Variants in ATR observed in about 807,000 individuals in gnomAD.
The protein encoded by ATR is serine/threonine-protein kinase ATR.
A neutral mutation model predicts 305.3 loss-of-function variants in ATR; 142 were observed. The ratio of observed to expected loss-of-function variants is 0.47; its 90% CI spans 0.41 to 0.53. The LOEUF (loss-of-function observed/expected upper bound fraction) is 0.53, where lower values mean the gene tolerates loss of function less well. Ranked by LOEUF, ATR falls within the 20% of genes least tolerant of loss-of-function variation. The probability of loss-of-function intolerance (pLI) is 0.00; values close to 1 mark genes in which losing one functional copy is unlikely to be tolerated. For synonymous variants in ATR, 1,050 were observed against 1,068.1 expected, an observed-to-expected ratio of 0.98 and a Z score of 0.33; for missense variants, 2,135 against 3,133.1, an observed-to-expected ratio of 0.68 and a Z score of 7.60.
At chr3:142,455,843 T>C (rs917746714) in intron 45 of ATR, among the ~76,000 whole-genome samples, 5 of 152,168 alleles carry the variant, frequency 3.3e-5, no homozygotes, top group Non-Finnish European at 7.4e-5. Context: ...GTTTCTTAGA[T>C]ATGACAACAG....
At position 142,485,202 on chromosome 3, in the gene ATR, G is replaced by A. The variant is rs748663695; in HGVS notation, c.6159C>T (p.Val2053=). 1 of 1,614,026 alleles carries A rather than the reference G, an allele frequency of 6.2e-7. No individual in the cohort carries two copies. The highest frequency in any genetic ancestry group is 8.5e-7 in the Non-Finnish European group (1 of 1,179,986). The part of the protein sequence containing the change: ...AKYYDKLMPM[V]TDNKMEKQGD... ...CTTGCTTTTCCATTTTGTTGTCTGT[G>A]ACCATGGGCATCAATTTGTCATAGT... Residue 2053 remains valine (V), a synonymous_variant, in exon 36 of 47, where the codon GTC becomes GTT. Transcript: ENST00000350721.
At chr3:142,545,898 G>A (rs1320233849) in intron 16 of ATR, among the ~76,000 whole-genome samples, 1 of 152,054 alleles carries the variant, frequency 6.6e-6, no homozygotes, top group Non-Finnish European at 1.5e-5. Flanking sequence ...GATTAGAAAG[G>A]GAAAATAAAG....
chr3:142,502,995 T>G (rs2032053802), intron 30 of ATR, among the ~76,000 whole-genome samples: 1 of 152,226 alleles, frequency 6.6e-6, no homozygotes, highest in Non-Finnish European at 1.5e-5. Context: ...CAGTCTACAG[T>G]GGTATTCCGT....
chr3:142,528,517 C>T (rs186693166), intron 21 of ATR, among the ~76,000 whole-genome samples: 39 of 152,166 alleles, frequency 2.6e-4, no homozygotes, highest in African/African-American at 8.9e-4. Flanking sequence ...AGAATTCCTG[C>T]TTTCTTATAC....
chr3:142,508,716 G>A (rs2032384629), intron 27 of ATR, among the ~76,000 whole-genome samples: 1 of 152,082 alleles, frequency 6.6e-6, no homozygotes, highest in African/African-American at 2.4e-5. Flanking sequence ...AAGGTTAGGA[G>A]ATCGAGACCA....
In ATR at chr3:142,459,099, T is replaced by TCTA. The variant is rs756975919; in HGVS notation, c.7359_7361dup (p.Ser2453dup). ...CTGCAGTGGAACGGCAGTAAGCTGA[T>TCTA]CTACTACTGTACCTAAAAGAAACAC... On this transcript the variant is annotated inframe_insertion, in exon 44 of 47. Transcript: ENST00000350721. 2.5e-5 allele frequency: 41 copies of TCTA among 1,613,882 alleles called. No individual in the cohort carries two copies. Among genetic ancestry groups the TCTA allele is most frequent in the Non-Finnish European group, 3.3e-5 (39 of 1,179,898 alleles).
intron 1 of ATR, 129 bp from the exon 2 acceptor site, chr3:142,568,283 T>G: frequency 1.4e-6 from 1 of 717,910 alleles, no homozygotes. Flanking sequence ...TTCTTCTGTT[T>G]AAAAATTGAA....
At position 142,503,389 on chromosome 3, in the gene ATR, G is replaced by A. The variant is rs772903137; in HGVS notation, c.5261C>T (p.Thr1754Ile). Residue 1754 changes from threonine (T) to isoleucine (I), a missense_variant, in exon 30 of 47, where the codon ACT becomes ATT. Around this residue, in one of 9 missense-constraint regions of ATR, gnomAD observed 117 missense variants for 198.3 expected, o/e 0.59. Coordinates refer to ENST00000350721, the MANE Select transcript of ATR (RefSeq NM_001184.4). ...LGLGQLSTVI[T>I]QVNGVHANRS... Reference sequence around the variant, plus strand: ...GTTAGCATGCACTCCATTCACCTGAGTGATAACAGTAGACAGCTGACCAAG... The same window carrying A: ...GTTAGCATGCACTCCATTCACCTGAATGATAACAGTAGACAGCTGACCAAG... The A allele has an allele frequency of 6.2e-7, 1 of 1,607,912 alleles. No homozygotes were observed. The highest frequency in any genetic ancestry group is 8.5e-7 in the Non-Finnish European group (1 of 1,174,728).
Position 142,503,391 on chromosome 3 carries a change from G to A in ATR, c.5259C>T (p.Ile1753=). The change falls in exon 30 of 47, where the codon ATC becomes ATT. Residue 1753 remains isoleucine (I), a synonymous_variant. Coordinates refer to ENST00000350721, the MANE Select transcript of ATR (RefSeq NM_001184.4). ...MLGLGQLSTV[I]TQVNGVHANR... is the part of the protein sequence containing the mutation. ...TAGCATGCACTCCATTCACCTGAGTGATAACAGTAGACAGCTGACCAAGAC... is the reference window on the plus strand; with the variant it reads ...TAGCATGCACTCCATTCACCTGAGTAATAACAGTAGACAGCTGACCAAGAC... 6.2e-7 allele frequency: 1 copy of A among 1,608,318 alleles called. No individual in the cohort carries two copies. Among genetic ancestry groups the A allele is most frequent in the Non-Finnish European group, 8.5e-7 (1 of 1,174,928 alleles).
chr3:142,510,114 A>AG (rs933293628), intron 27 of ATR, among the ~76,000 whole-genome samples: 6 of 88,646 alleles, frequency 6.8e-5, no homozygotes, highest in African/African-American at 1.2e-4. Flanking sequence ...AGACTGTCTC[A>AG]GAAAAAAAAA....
At chr3:142,522,145 A>G (rs2033171558) in intron 23 of ATR, among the ~76,000 whole-genome samples, 2 of 152,224 alleles carry the variant, frequency 1.3e-5, no homozygotes, top group Non-Finnish European at 2.9e-5. Context: ...CAGCAAAACC[A>G]TTATGACTTG....
At chr3:142,449,843 A>G in intron 46 of ATR, 1 of 532,904 alleles carries the variant, frequency 1.9e-6, no homozygotes, top group South Asian at 2.2e-5. Context: ...TACGTGAAAT[A>G]CCAGGGAATT....
At chr3:142,541,110 G>T in intron 17 of ATR, 76 bp from the exon 18 acceptor site, 1 of 1,535,750 alleles carries the variant, frequency 6.5e-7, no homozygotes, top group South Asian at 1.1e-5. Flanking sequence ...AAGGACAAGT[G>T]CTTCCCACCC....
chr3:142,544,238 A>G (rs1270105578), intron 16 of ATR, among the ~76,000 whole-genome samples: 1 of 151,840 alleles, frequency 6.6e-6, no homozygotes, highest in Admixed American at 6.6e-5. Flanking sequence ...CAGGTGGATT[A>G]CATGAGCTCA....
Position 142,461,937 on chromosome 3 carries a change from T to G in ATR, c.7192+3A>C. Reference sequence around the variant, plus strand: ...GTATATGTATAAGAATTAATTTTAGTACCCTTTTCTTTATATAGTTTGGTC... The same window carrying G: ...GTATATGTATAAGAATTAATTTTAGGACCCTTTTCTTTATATAGTTTGGTC... On this transcript the variant is annotated splice_donor_region_variant and intron_variant, in intron 42 of 46. Transcript: ENST00000350721. 1 of 1,612,944 alleles carries G rather than the reference T, an allele frequency of 6.2e-7. No homozygotes were observed. Among genetic ancestry groups the G allele is most frequent in the Non-Finnish European group, 8.5e-7 (1 of 1,179,262 alleles).
At chr3:142,478,639 T>C (rs2108296937) in intron 36 of ATR, among the ~76,000 whole-genome samples, 1 of 152,332 alleles carries the variant, frequency 6.6e-6, no homozygotes, top group East Asian at 1.9e-4. Flanking sequence ...AATTCCTGGA[T>C]ATTCTTGTTA....
At chr3:142,511,395 C>A (rs541609950) in intron 27 of ATR, among the ~76,000 whole-genome samples, 7 of 152,164 alleles carry the variant, frequency 4.6e-5, no homozygotes, top group Non-Finnish European at 1.0e-4. Flanking sequence ...GTGGCTCACA[C>A]CTGTAATCCC....
intron 21 of ATR, among the ~76,000 whole-genome samples, chr3:142,528,991 C>T (rs962916777): frequency 6.9e-6 from 1 of 145,430 alleles, no homozygotes; most frequent in Non-Finnish European, 1.5e-5. Context: ...TCAAGCGATT[C>T]TCCTGCTTCA....
chr3:142,529,511 A>C (rs2033554380), intron 21 of ATR, among the ~76,000 whole-genome samples: 1 of 152,146 alleles, frequency 6.6e-6, no homozygotes. Flanking sequence ...ATATTTCGTT[A>C]AATACATAAA....
Sources: allele counts gnomAD v4.1 joint callset (sites outside exome capture counted in the v4.1 genomes callset), GRCh38; gene constraint gnomAD v4.1.1; regional missense constraint gnomAD v4.1.1; transcripts MANE v1.5; gene names NCBI Gene and HGNC (gene_info 2026-07-23, HGNC 2026-07-21).